KLHL24: variants seen among roughly 807,000 people sequenced by gnomAD.
KLHL24 encodes the protein kelch like family member 24.
Under a neutral mutation model 53.4 loss-of-function variants are expected in KLHL24, and 29 were observed. The ratio of observed to expected loss-of-function variants is 0.54; its 90% CI spans 0.40 to 0.74. KLHL24 has a LOEUF of 0.74. Ranked by LOEUF, KLHL24 falls within the 30% of genes least tolerant of loss-of-function variation. The probability of loss-of-function intolerance (pLI) is 0.00; values close to 1 mark genes in which losing one functional copy is unlikely to be tolerated. For synonymous variants in KLHL24, 222 were observed against 253.7 expected (o/e 0.88, Z 1.19); for missense variants, 504 against 744.0 (o/e 0.68, Z 3.75).
intron 5 of KLHL24, among the ~76,000 whole-genome samples, chr3:183,670,657 C>CAGT (rs1721212721): frequency 6.6e-6 from 1 of 152,018 alleles, no homozygotes; most frequent in Non-Finnish European, 1.5e-5. Context: ...TAAATTGTAC[C>CAGT]ATTCTCAGTG....
chr3:183,642,976 A>G (rs1576882263), intron 1 of KLHL24: 1 of 152,236 alleles, frequency 6.6e-6, no homozygotes, highest in Admixed American at 6.5e-5. Flanking sequence ...CATGCCTGTA[A>G]TCCCAGCACT....
chr3:183,664,773 GGT>G (rs1175404343), intron 4 of KLHL24, 146 bp from the exon 5 acceptor site: 31 of 473,270 alleles, frequency 6.6e-5, no homozygotes, highest in Non-Finnish European at 1.2e-4. Flanking sequence ...AATTTCAAGA[GGT>G]CTTTATTTAT....
intron 7 of KLHL24, among the ~76,000 whole-genome samples, chr3:183,674,263 CTT>C (rs973748760): frequency 6.7e-6 from 1 of 148,810 alleles, no homozygotes; most frequent in Non-Finnish European, 1.5e-5. Context: ...TTCTTTCTTT[CTT>C]TCTTTCTTTC....
chr3:183,656,754 C>T (rs868578764), intron 3 of KLHL24, among the ~76,000 whole-genome samples: 2 of 152,060 alleles, frequency 1.3e-5, no homozygotes, highest in African/African-American at 4.8e-5. Context: ...ACATTCCTGA[C>T]TATTGTTTAA....
At chr3:183,669,901 T>C (rs1576966657) in intron 5 of KLHL24, among the ~76,000 whole-genome samples, 1 of 152,292 alleles carries the variant, frequency 6.6e-6, no homozygotes, top group East Asian at 1.9e-4. Context: ...TCAGTGGGAC[T>C]TAATAGTTAA....
At position 183,679,308 on chromosome 3, in the gene KLHL24, A is replaced by C. The variant is rs746609139; in HGVS notation, c.*22A>C. The C allele has an allele frequency of 7.6e-6, 12 of 1,586,006 alleles. No homozygotes were observed. The Admixed American group carries it at 1.8e-4, about 24-fold the overall frequency. On this transcript the variant is annotated 3_prime_UTR_variant, in exon 8 of 8. Coordinates refer to ENST00000242810, the MANE Select transcript of KLHL24 (RefSeq NM_017644.3). ...CTGAAGACAGGATACCTCACCGAAGAAGCCACACTGATCCAAGATGGGAGG... is the reference window on the plus strand; with the variant it reads ...CTGAAGACAGGATACCTCACCGAAGCAGCCACACTGATCCAAGATGGGAGG...
intron 5 of KLHL24, among the ~76,000 whole-genome samples, chr3:183,668,498 T>C (rs551630119): frequency 2.6e-5 from 4 of 152,348 alleles, no homozygotes; most frequent in African/African-American, 9.6e-5. Context: ...TAAAACATAC[T>C]TAAATTTATA....
chr3:183,645,973 A>G (rs1717164522), intron 2 of KLHL24, among the ~76,000 whole-genome samples: 1 of 152,028 alleles, frequency 6.6e-6, no homozygotes, highest in Non-Finnish European at 1.5e-5. Flanking sequence ...CATAACTATT[A>G]TATTACATCA....
chr3:183,653,127 A>G (rs1718360588), intron 3 of KLHL24, among the ~76,000 whole-genome samples: 1 of 152,224 alleles, frequency 6.6e-6, no homozygotes, highest in Admixed American at 6.5e-5. Flanking sequence ...CCACAGTGAA[A>G]CATCTATTTA....
chr3:183,667,021 A>T (rs1269830808), intron 5 of KLHL24, among the ~76,000 whole-genome samples: 1 of 152,142 alleles, frequency 6.6e-6, no homozygotes, highest in Non-Finnish European at 1.5e-5. Context: ...TACCACCAAT[A>T]AAAAAACAAA....
intron 5 of KLHL24, among the ~76,000 whole-genome samples, chr3:183,669,927 A>G (rs1721113306): frequency 1.3e-5 from 2 of 152,134 alleles, no homozygotes; most frequent in African/African-American, 2.4e-5. Context: ...TATGGAGGGA[A>G]GAGTTAATGA....
chr3:183,672,279 T>C lies in KLHL24; in HGVS notation c.1414-17T>C. On this transcript the variant is annotated splice_polypyrimidine_tract_variant and intron_variant, in intron 6 of 7. Transcript: ENST00000242810. ...TTTGTTTAGAAATTTTAATTATATA[T>C]TTTTATATGTTATTAGGTTCAATCT... is the stretch of plus-strand genomic sequence containing the variant. 7.2e-7 allele frequency: 1 copy of C among 1,397,852 alleles called. No homozygotes were observed. The allele number at this position is 1,397,852 out of a possible 1,614,324, so 86.6% of individuals were successfully genotyped here.
chr3:183,650,953 C>A lies in KLHL24; in HGVS notation c.597C>A (p.Ser199=). The change falls in exon 3 of 8, where the codon TCC becomes TCA. Residue 199 remains serine, a synonymous_variant. Coordinates refer to ENST00000242810, the MANE Select transcript of KLHL24 (RefSeq NM_017644.3). This position sits in a 1 kb window ranked among gnomAD's most constrained non-coding sequence, Gnocchi z 4.5. ...NFALQTFEDV[S]QHEEFLELDK... ...CGTTACAGACTTTTGAGGATGTATC[C>A]CAGCACGAAGAATTTCTTGAGCTTG... is the stretch of plus-strand genomic sequence containing the variant. The A allele has an allele frequency of 6.2e-7, 1 of 1,614,108 alleles. No homozygotes were observed. The highest frequency in any genetic ancestry group is 1.1e-5 in the South Asian group (1 of 91,064).
intron 3 of KLHL24, among the ~76,000 whole-genome samples, chr3:183,662,950 G>GT (rs1720010858): frequency 6.6e-6 from 1 of 152,026 alleles, no homozygotes; most frequent in Non-Finnish European, 1.5e-5. Flanking sequence ...ACTTGACTTT[G>GT]TATTTTAAAA....
Position 183,683,453 on chromosome 3 carries a change from C to T in KLHL24, c.*4167C>T, listed in dbSNP as rs1712896976. ...TTTTAGTTAAATAAATTTACCATGC[C>T]AAGTAACCAGAATGGAGCAAATTGG... is the stretch of plus-strand genomic sequence containing the variant. On this transcript the variant is annotated 3_prime_UTR_variant, in exon 8 of 8. Coordinates refer to ENST00000242810, the MANE Select transcript of KLHL24 (RefSeq NM_017644.3). 6.6e-6 allele frequency: 1 copy of T among 152,560 alleles called. No individual in the cohort carries two copies. The highest frequency in any genetic ancestry group is 1.5e-5 in the Non-Finnish European group (1 of 68,030). 9.5% of individuals were successfully genotyped at this position (152,560 alleles called of 1,614,324 possible).
At chr3:183,652,833 A>G (rs193152967) in intron 3 of KLHL24, among the ~76,000 whole-genome samples, 22 of 152,300 alleles carry the variant, frequency 1.4e-4, no homozygotes, top group African/African-American at 5.1e-4. Flanking sequence ...CCTTTTTCCA[A>G]GACAAATACC....
chr3:183,646,074 A>C (rs538772088), intron 2 of KLHL24, among the ~76,000 whole-genome samples: 68 of 151,624 alleles, frequency 4.5e-4, no homozygotes, highest in African/African-American at 1.6e-3. Flanking sequence ...TTAACTTAGA[A>C]ATGAGGGTGG....
At chr3:183,668,916 A>G (rs1290541062) in intron 5 of KLHL24, among the ~76,000 whole-genome samples, 1 of 152,070 alleles carries the variant, frequency 6.6e-6, no homozygotes, top group East Asian at 1.9e-4. Context: ...AAGGAAAAAA[A>G]TCTTAGAGTA....
At chr3:183,658,072 G>T (rs1436601790) in intron 3 of KLHL24, among the ~76,000 whole-genome samples, 1 of 152,066 alleles carries the variant, frequency 6.6e-6, no homozygotes. Context: ...AATTAGCTGG[G>T]TGTGGTGGTG....
Sources: gnomAD v4.1 joint callset for allele counts (sites outside exome capture counted in the v4.1 genomes callset) on GRCh38, gnomAD v4.1.1 for gene constraint, Gnocchi (gnomAD v3.1) non-coding constraint, MANE v1.5 for transcripts, NCBI Gene and HGNC (gene_info 2026-07-23, HGNC 2026-07-21) for gene names.